The following TSNARE1 variants were observed in gnomAD, a reference collection of about 807,000 sequenced individuals.
TSNARE1 encodes the protein t-SNARE domain containing 1, also known as t-SNARE domain-containing protein 1.
In TSNARE1, 49 loss-of-function variants were observed where a neutral mutation model predicts 62.0. The ratio of observed to expected loss-of-function variants is 0.79; its 90% confidence interval spans 0.63 to 1.00. The LOEUF is 1.00. Ranked by LOEUF, TSNARE1 falls within the 50% of genes least tolerant of loss-of-function variation. The pLI is 0.00. For synonymous variants in TSNARE1, 328 were observed against 294.4 expected (o/e 1.11, Z -1.17); for missense variants, 755 against 700.1 (o/e 1.08, Z -0.88).
chr8:142,292,032 G>A (rs144329989), intron 10 of TSNARE1, among the ~76,000 whole-genome samples: 2 of 151,910 alleles, frequency 1.3e-5, no homozygotes, highest in Non-Finnish European at 1.5e-5. Flanking sequence ...CTGAGGCTCG[G>A]CTTCCTTCTG....
intron 1 of TSNARE1, among the ~76,000 whole-genome samples, chr8:142,402,260 C>A (rs142356417): frequency 1.3e-5 from 2 of 152,288 alleles, no homozygotes; most frequent in East Asian, 1.9e-4. Context: ...CGCACCACAC[C>A]GCTCACAGAA....
At chr8:142,391,985 A>C (rs949090177) in intron 1 of TSNARE1, among the ~76,000 whole-genome samples, 2 of 152,204 alleles carry the variant, frequency 1.3e-5, no homozygotes, top group African/African-American at 4.8e-5. Context: ...TCCCGTGACA[A>C]CACCTCCTGA....
At chr8:142,329,751 C>A (rs548813613) in intron 6 of TSNARE1, among the ~76,000 whole-genome samples, 1 of 152,328 alleles carries the variant, frequency 6.6e-6, no homozygotes, top group South Asian at 2.1e-4. Context: ...AACAGCAGCT[C>A]CCAGGCATCC....
intron 10 of TSNARE1, among the ~76,000 whole-genome samples, chr8:142,298,842 A>C (rs1235560138): frequency 6.6e-6 from 1 of 152,174 alleles, no homozygotes; most frequent in African/African-American, 2.4e-5. Flanking sequence ...CTAGCTGTGA[A>C]GCCTTCAGGG....
intron 11 of TSNARE1, chr8:142,277,213 C>T (rs1190083272): frequency 1.0e-6 from 1 of 985,376 alleles, no homozygotes; most frequent in Non-Finnish European, 1.2e-6. Context: ...ACGGGGGCCC[C>T]TTGCACATCC....
intron 12 of TSNARE1, among the ~76,000 whole-genome samples, chr8:142,256,569 T>TCAC (rs1169599827): frequency 1.8e-5 from 2 of 110,568 alleles, no homozygotes; most frequent in Non-Finnish European, 2.0e-5. Flanking sequence ...ACCATCACCA[T>TCAC]CACCATCATC....
chr8:142,372,403 A>T (rs1225531985), intron 1 of TSNARE1, among the ~76,000 whole-genome samples: 2 of 152,206 alleles, frequency 1.3e-5, no homozygotes, highest in African/African-American at 2.4e-5. Context: ...AGAGGCTGGG[A>T]CACGGAGTAC....
At chr8:142,355,476 C>T (rs183565943) in intron 1 of TSNARE1, among the ~76,000 whole-genome samples, 14 of 152,310 alleles carry the variant, frequency 9.2e-5, no homozygotes, top group East Asian at 1.9e-4. Context: ...CTTGGGGCAC[C>T]GGCCGTCCCT....
chr8:142,274,751 C>T (rs773387347), intron 12 of TSNARE1, 30 bp downstream of exon 12: 3 of 1,488,834 alleles, frequency 2.0e-6, no homozygotes, highest in Non-Finnish European at 9.0e-7. Flanking sequence ...GCCGGGCCGG[C>T]CGGGCACTGT....
intron 12 of TSNARE1, among the ~76,000 whole-genome samples, chr8:142,269,047 G>A (rs1193900571): frequency 1.3e-5 from 2 of 152,214 alleles, no homozygotes; most frequent in Non-Finnish European, 2.9e-5. Flanking sequence ...TGTAGCACAC[G>A]CTAAGCTCTG....
intron 2 of TSNARE1, among the ~76,000 whole-genome samples, chr8:142,352,093 C>T (rs990080692): frequency 1.6e-4 from 24 of 152,354 alleles, no homozygotes; most frequent in African/African-American, 5.5e-4. Flanking sequence ...TTCTGCTTCC[C>T]AGCAGGCCTC....
At chr8:142,318,478 G>A (rs973723109) in intron 7 of TSNARE1, 66 bp downstream of exon 7, 1 of 1,493,110 alleles carries the variant, frequency 6.7e-7, no homozygotes. Context: ...TGACATCCCT[G>A]CTCCCATCAC....
At chr8:142,392,926 C>T (rs1177352457) in intron 1 of TSNARE1, among the ~76,000 whole-genome samples, 1 of 148,138 alleles carries the variant, frequency 6.8e-6, no homozygotes, top group Non-Finnish European at 1.5e-5. Context: ...AGCGAAACTC[C>T]GTCTCAAAAA....
At chr8:142,371,048 A>G (rs1437393731) in intron 1 of TSNARE1, among the ~76,000 whole-genome samples, 1 of 152,242 alleles carries the variant, frequency 6.6e-6, no homozygotes, top group Non-Finnish European at 1.5e-5. Context: ...ACAAGAGGAC[A>G]TCATTTCAGA....
intron 12 of TSNARE1, among the ~76,000 whole-genome samples, chr8:142,246,943 T>G (rs1335335173): frequency 6.6e-6 from 1 of 152,212 alleles, no homozygotes; most frequent in East Asian, 1.9e-4. Context: ...CAGCACGCCC[T>G]CAGTCATTCC....
At chr8:142,282,879 T>A (rs1314537411) in intron 11 of TSNARE1, among the ~76,000 whole-genome samples, 7 of 140,842 alleles carry the variant, frequency 5.0e-5, no homozygotes, top group African/African-American at 1.9e-4. Flanking sequence ...GGGAGGCCAC[T>A]GTCTGTCAAT....
chr8:142,327,257 G>A (rs920028217), intron 6 of TSNARE1, among the ~76,000 whole-genome samples: 2 of 152,202 alleles, frequency 1.3e-5, no homozygotes, highest in Non-Finnish European at 2.9e-5. Flanking sequence ...GTGAGACAGA[G>A]GGGTGCAGTT....
chr8:142,313,166 C>CT (rs1431072216), intron 9 of TSNARE1, among the ~76,000 whole-genome samples: 2 of 152,014 alleles, frequency 1.3e-5, no homozygotes, highest in Admixed American at 1.3e-4. Context: ...ATCTGTGTCT[C>CT]TGTGTGTTTA....
chr8:142,261,134 GGGAAGGAGGAAAGA>G, intron 12 of TSNARE1, among the ~76,000 whole-genome samples: 1 of 119,062 alleles, frequency 8.4e-6, no homozygotes. Flanking sequence ...AGAGGAGGGA[GGGAAGGAGGAAAGA>G]GGTAGAAGGG....
Sources: allele counts gnomAD v4.1 joint callset (sites outside exome capture counted in the v4.1 genomes callset), GRCh38; gene constraint gnomAD v4.1.1; transcripts MANE v1.5; gene names NCBI Gene and HGNC (gene_info 2026-07-23, HGNC 2026-07-21).